Variants in CTNNA2 observed in about 807,000 individuals in gnomAD.
CTNNA2 encodes the protein catenin alpha-2.
Under a neutral mutation model 101.0 loss-of-function variants are expected in CTNNA2, and 42 were observed. That is an observed-to-expected ratio of 0.42 (90% CI 0.32 to 0.54). CTNNA2 has a LOEUF of 0.54. Among genes scored for constraint, CTNNA2 ranks in the 20% least tolerant of loss-of-function variants. CTNNA2 has a pLI of 0.14. For synonymous variants in CTNNA2, 450 were observed against 456.4 expected, an observed-to-expected ratio of 0.99 and a Z score of 0.18; for missense variants, 871 against 1,223.1, an observed-to-expected ratio of 0.71 and a Z score of 4.29.
chr2:80,154,485 A>G (rs1450133620), intron 7 of CTNNA2, among the ~76,000 whole-genome samples: 2 of 152,192 alleles, frequency 1.3e-5, no homozygotes, highest in African/African-American at 4.8e-5. Context: ...TGAGTATTGA[A>G]TGTGATTACG....
chr2:79,669,721 G>C (rs529960237), intron 2 of CTNNA2, among the ~76,000 whole-genome samples: 1 of 152,306 alleles, frequency 6.6e-6, no homozygotes, highest in East Asian at 1.9e-4. Flanking sequence ...TCTCAGTGAA[G>C]AGGGTGCTCC....
chr2:79,535,954 C>T (rs900215273), intron 1 of CTNNA2, among the ~76,000 whole-genome samples: 4 of 152,256 alleles, frequency 2.6e-5, no homozygotes, highest in African/African-American at 7.2e-5. Context: ...TGAATGGACA[C>T]GTACGTGAAC....
intron 7 of CTNNA2, among the ~76,000 whole-genome samples, chr2:80,359,852 T>A (rs554026999): frequency 6.6e-6 from 1 of 152,282 alleles, no homozygotes; most frequent in Admixed American, 6.5e-5. Flanking sequence ...TTCTTCAACA[T>A]AATCTTGACT....
intron 15 of CTNNA2, among the ~76,000 whole-genome samples, chr2:80,600,469 C>T (rs1160185503): frequency 6.6e-6 from 1 of 151,606 alleles, no homozygotes; most frequent in Non-Finnish European, 1.5e-5. Flanking sequence ...GATCAGAATC[C>T]AAAATATCTG....
chr2:79,397,955 G>A (rs908439294), intron 4 of CTNNA2, among the ~76,000 whole-genome samples: 2 of 152,138 alleles, frequency 1.3e-5, no homozygotes, highest in Non-Finnish European at 1.5e-5. Context: ...AAGAACTTGT[G>A]GAACAAATGA....
intron 7 of CTNNA2, among the ~76,000 whole-genome samples, chr2:80,138,992 G>A (rs1289451821): frequency 6.6e-6 from 1 of 152,068 alleles, no homozygotes; most frequent in Non-Finnish European, 1.5e-5. Context: ...TCTACCAAAT[G>A]TTTACTTCCC....
chr2:79,266,485 T>A (rs1297894140), intron 2 of CTNNA2, among the ~76,000 whole-genome samples: 1 of 152,166 alleles, frequency 6.6e-6, no homozygotes, highest in Non-Finnish European at 1.5e-5. Flanking sequence ...TGAGATAATA[T>A]CCCATGTAAA....
chr2:80,201,969 T>C (rs1202386352), intron 7 of CTNNA2, among the ~76,000 whole-genome samples: 2 of 152,156 alleles, frequency 1.3e-5, no homozygotes, highest in South Asian at 2.1e-4. Flanking sequence ...ATCTACTCCC[T>C]TCACCACCCC....
At chr2:79,506,103 T>A (rs2103812424) in intron 5 of CTNNA2, among the ~76,000 whole-genome samples, 1 of 152,318 alleles carries the variant, frequency 6.6e-6, no homozygotes, top group African/African-American at 2.4e-5. Context: ...GCATTTATAT[T>A]TTTTAATCAG....
At chr2:80,094,325 G>T (rs1009521789) in intron 7 of CTNNA2, among the ~76,000 whole-genome samples, 2 of 151,992 alleles carry the variant, frequency 1.3e-5, no homozygotes, top group Non-Finnish European at 2.9e-5. Context: ...TAGATATGCG[G>T]CATTATTTCT....
At chr2:79,621,130 A>G (rs1414849283) in intron 1 of CTNNA2, among the ~76,000 whole-genome samples, 1 of 152,140 alleles carries the variant, frequency 6.6e-6, no homozygotes, top group Non-Finnish European at 1.5e-5. Context: ...GGGATGATGA[A>G]TGCATTTCAG....
chr2:79,834,266 G>A (rs2105440395), intron 3 of CTNNA2, among the ~76,000 whole-genome samples: 1 of 152,044 alleles, frequency 6.6e-6, no homozygotes, highest in Middle Eastern at 3.4e-3. Context: ...AAGTATAATT[G>A]ATGAGTTCTA....
intron 8 of CTNNA2, among the ~76,000 whole-genome samples, chr2:80,397,370 G>C (rs1021282400): frequency 1.3e-5 from 2 of 152,140 alleles, no homozygotes; most frequent in Non-Finnish European, 2.9e-5. Flanking sequence ...TACAGATGAG[G>C]ATGTGAAGCC....
At chr2:79,327,076 C>T (rs1483528676) in intron 3 of CTNNA2, among the ~76,000 whole-genome samples, 1 of 152,200 alleles carries the variant, frequency 6.6e-6, no homozygotes, top group Non-Finnish European at 1.5e-5. Context: ...CTGCATACCT[C>T]TCCAGGGAAT....
chr2:79,323,895 A>T (rs753395609), intron 3 of CTNNA2, among the ~76,000 whole-genome samples: 1 of 152,118 alleles, frequency 6.6e-6, no homozygotes, highest in Non-Finnish European at 1.5e-5. Flanking sequence ...GAACAATGGG[A>T]ATTATCTTGT....
intron 7 of CTNNA2, among the ~76,000 whole-genome samples, chr2:80,324,910 G>T (rs1357269495): frequency 6.6e-6 from 1 of 152,016 alleles, no homozygotes; most frequent in Admixed American, 6.5e-5. Flanking sequence ...ACTCTTCCCT[G>T]ACCACTCCAT....
chr2:79,947,643 C>T (rs1688591035), intron 7 of CTNNA2, among the ~76,000 whole-genome samples: 2 of 152,278 alleles, frequency 1.3e-5, no homozygotes, highest in African/African-American at 4.8e-5. Flanking sequence ...ATGTTTGCTA[C>T]TTGTCATGGT....
intron 4 of CTNNA2, among the ~76,000 whole-genome samples, chr2:79,397,111 A>G (rs916756205): frequency 6.6e-6 from 1 of 152,136 alleles, no homozygotes; most frequent in Non-Finnish European, 1.5e-5. Context: ...AGAGTTGTTC[A>G]TATTTTGGGA....
chr2:79,530,243 C>G (rs920502143), intron 1 of CTNNA2, among the ~76,000 whole-genome samples: 1 of 152,090 alleles, frequency 6.6e-6, no homozygotes, highest in Admixed American at 6.6e-5. Flanking sequence ...AACTGTAACT[C>G]TTGTGGGTTT....
Sources: gnomAD v4.1 joint callset for allele counts (sites outside exome capture counted in the v4.1 genomes callset) on GRCh38, gnomAD v4.1.1 for gene constraint, MANE v1.5 for transcripts, NCBI Gene and HGNC (gene_info 2026-07-23, HGNC 2026-07-21) for gene names.